Variants in PIK3CB observed in about 807,000 individuals in gnomAD.
PIK3CB encodes the protein phosphatidylinositol-4,5-bisphosphate 3-kinase catalytic subunit beta.
In PIK3CB, 39 loss-of-function variants were observed where a neutral mutation model predicts 136.8. The observed-to-expected ratio is 0.29, with a 90% CI of 0.22 to 0.37. The LOEUF (loss-of-function observed/expected upper bound fraction) is 0.37, where lower values mean the gene tolerates loss of function less well. Among genes scored for constraint, PIK3CB ranks in the 10% least tolerant of loss-of-function variants. The pLI, the probability that PIK3CB is intolerant of heterozygous loss-of-function variation, is 1.00. For synonymous variants in PIK3CB, 428 were observed against 436.6 expected (o/e 0.98, Z 0.25); for missense variants, 868 against 1,275.4 (o/e 0.68, Z 4.87).
intron 8 of PIK3CB, among the ~76,000 whole-genome samples, chr3:138,730,020 C>G (rs2044935815): frequency 6.6e-6 from 1 of 152,136 alleles, no homozygotes; most frequent in Non-Finnish European, 1.5e-5. Context: ...TAACATTCTA[C>G]TGGAGCTCCT....
intron 19 of PIK3CB, among the ~76,000 whole-genome samples, chr3:138,680,297 G>A (rs1312481933): frequency 6.6e-6 from 1 of 151,876 alleles, no homozygotes; most frequent in Non-Finnish European, 1.5e-5. Flanking sequence ...GGCGGAGGCT[G>A]CAGTGAGCCG....
At chr3:138,782,254 A>G (rs2045931068) in intron 2 of PIK3CB, among the ~76,000 whole-genome samples, 1 of 152,226 alleles carries the variant, frequency 6.6e-6, no homozygotes, top group Admixed American at 6.5e-5. Context: ...GGGCCTGGAT[A>G]AAGCCACAGA....
intron 1 of PIK3CB, among the ~76,000 whole-genome samples, chr3:138,803,271 A>G (rs1409818926): frequency 6.6e-6 from 1 of 152,236 alleles, no homozygotes; most frequent in Non-Finnish European, 1.5e-5. Flanking sequence ...CAGAGACTGG[A>G]TGACTAAGAA....
chr3:138,778,780 G>C (rs533363628), intron 2 of PIK3CB: 29 of 270,426 alleles, frequency 1.1e-4, no homozygotes, highest in African/African-American at 6.6e-4. Flanking sequence ...ACAGCAACAG[G>C]GTGGTAGACC....
chr3:138,778,845 G>A, intron 2 of PIK3CB: 1 of 186,936 alleles, frequency 5.3e-6, no homozygotes, highest in Non-Finnish European at 1.1e-5. Context: ...ATGTAAGTAA[G>A]AGAGAGGCCC....
At chr3:138,755,655 G>T in intron 4 of PIK3CB, 99 bp downstream of exon 4, 2 of 606,102 alleles carry the variant, frequency 3.3e-6, no homozygotes, top group Non-Finnish European at 5.7e-6. Flanking sequence ...GTGGTCCATG[G>T]ACCACACTTT....
At chr3:138,716,750 G>A (rs1038984661) in intron 8 of PIK3CB, among the ~76,000 whole-genome samples, 1 of 151,576 alleles carries the variant, frequency 6.6e-6, no homozygotes, top group Non-Finnish European at 1.5e-5. Context: ...ACAAAAATTA[G>A]CTGGGTGTGG....
At chr3:138,830,949 AAT>A (rs1934004949) in intron 1 of PIK3CB, among the ~76,000 whole-genome samples, 3 of 144,206 alleles carry the variant, frequency 2.1e-5, no homozygotes, top group Non-Finnish European at 4.5e-5. Context: ...TAATAATAAT[AAT>A]AAAGCAGGAA....
At chr3:138,697,883 C>A (rs1243663491) in intron 13 of PIK3CB, among the ~76,000 whole-genome samples, 3 of 151,936 alleles carry the variant, frequency 2.0e-5, no homozygotes, top group Non-Finnish European at 4.4e-5. Context: ...CAGGCACATG[C>A]CAGCATGTCC....
At chr3:138,667,149 C>T (rs2043427861) in intron 19 of PIK3CB, among the ~76,000 whole-genome samples, 1 of 139,242 alleles carries the variant, frequency 7.2e-6, no homozygotes, top group South Asian at 2.2e-4. Flanking sequence ...GCGGAGGTTG[C>T]AGTAAGCCGA....
intron 8 of PIK3CB, among the ~76,000 whole-genome samples, chr3:138,727,426 T>C (rs1482222017): frequency 6.6e-6 from 1 of 152,190 alleles, no homozygotes; most frequent in East Asian, 1.9e-4. Flanking sequence ...CGTGAGAAAT[T>C]TTCCAGACTT....
intron 1 of PIK3CB, among the ~76,000 whole-genome samples, chr3:138,800,813 T>G (rs750102522): frequency 1.3e-5 from 2 of 151,742 alleles, no homozygotes; most frequent in Non-Finnish European, 2.9e-5. Context: ...TTAGTAGAGA[T>G]GGGTTTTCGC....
intron 15 of PIK3CB, 84 bp downstream of exon 15, chr3:138,690,916 A>G (rs1577077423): frequency 9.3e-7 from 1 of 1,078,342 alleles, no homozygotes; most frequent in South Asian, 1.6e-5. Flanking sequence ...AAACTAAAGC[A>G]GCTATTTTTC....
chr3:138,735,319 G>A (rs2045080685), intron 6 of PIK3CB, among the ~76,000 whole-genome samples: 1 of 151,986 alleles, frequency 6.6e-6, no homozygotes, highest in Non-Finnish European at 1.5e-5. Flanking sequence ...AGTACCTAAA[G>A]AAATGAGTTA....
At chr3:138,832,313 G>A (rs1320866780) in intron 1 of PIK3CB, among the ~76,000 whole-genome samples, 1 of 152,068 alleles carries the variant, frequency 6.6e-6, no homozygotes, top group African/African-American at 2.4e-5. Flanking sequence ...GTGGACTCAG[G>A]GTGTGAATCA....
chr3:138,747,065 TATATATATATATATATATATATATATA>T, intron 4 of PIK3CB, among the ~76,000 whole-genome samples: 1 of 23,590 alleles, frequency 4.2e-5, no homozygotes, highest in African/African-American at 2.3e-4. Flanking sequence ...TATATATATA[TATATATATATATATATATATATATATA>T]TATATATATA....
chr3:138,727,147 A>T (rs2044856725), intron 8 of PIK3CB, among the ~76,000 whole-genome samples: 1 of 152,194 alleles, frequency 6.6e-6, no homozygotes, highest in Non-Finnish European at 1.5e-5. Context: ...CAGAGATGGA[A>T]GATGTTCAAG....
intron 1 of PIK3CB, among the ~76,000 whole-genome samples, chr3:138,802,203 G>A (rs1343417725): frequency 3.1e-5 from 4 of 129,142 alleles, no homozygotes; most frequent in Admixed American, 9.1e-5. Context: ...GTGAAACCCC[G>A]TCTCTACTAA....
chr3:138,743,101 ATTG>A (rs549937774), intron 4 of PIK3CB, among the ~76,000 whole-genome samples: 86 of 152,356 alleles, frequency 5.6e-4, no homozygotes, highest in Middle Eastern at 3.4e-3. Flanking sequence ...TAAAAGATTC[ATTG>A]TTTTTATTTA....
Sources: gnomAD v4.1 joint callset for allele counts (sites outside exome capture counted in the v4.1 genomes callset) on GRCh38, gnomAD v4.1.1 for gene constraint, MANE v1.5 for transcripts, NCBI Gene and HGNC (gene_info 2026-07-23, HGNC 2026-07-21) for gene names.